KYAT3: variants seen among roughly 807,000 people sequenced by gnomAD.
The protein encoded by KYAT3 is kynurenine--oxoglutarate transaminase 3.
In KYAT3, 50 loss-of-function variants were observed where a neutral mutation model predicts 59.0. The observed-to-expected ratio is 0.85, with a 90% confidence interval of 0.68 to 1.07. The LOEUF (loss-of-function observed/expected upper bound fraction) is 1.07, where lower values mean the gene tolerates loss of function less well. Among genes scored for constraint, KYAT3 ranks in the 50% least tolerant of loss-of-function variants. The pLI is 0.00. For synonymous variants in KYAT3, 148 were observed against 177.0 expected, an observed-to-expected ratio of 0.84 and a Z score of 1.30; for missense variants, 497 against 533.3, an observed-to-expected ratio of 0.93 and a Z score of 0.67.
intron 2 of KYAT3, chr1:88,980,840 T>C (rs72963555): frequency 2.6e-5 from 4 of 152,194 alleles, no homozygotes; most frequent in Middle Eastern, 3.4e-3. Flanking sequence ...AAGACAACTA[T>C]GGAAGTGTAA....
At position 88,983,709 on chromosome 1, in the gene KYAT3, T is replaced by G. The variant is rs1221861336; in HGVS notation, c.99+4543A>C. Reference sequence around the variant, plus strand: ...GATTTGTTGGTTTCACGGTCTTTTATCAAGAGTACTTCCACTATTCGTCCA... The same window carrying G: ...GATTTGTTGGTTTCACGGTCTTTTAGCAAGAGTACTTCCACTATTCGTCCA... On this transcript the variant is annotated intron_variant, in intron 2 of 13. Transcript: ENST00000260508. The G allele has an allele frequency of 3.7e-6, 6 of 1,613,830 alleles. No homozygotes were observed. In the African/African-American group the frequency reaches 8.0e-5, roughly 22 times the overall value.
At chr1:88,989,089 T>G (rs949112611) in intron 1 of KYAT3, among the ~76,000 whole-genome samples, 1 of 152,152 alleles carries the variant, frequency 6.6e-6, no homozygotes, top group African/African-American at 2.4e-5. Flanking sequence ...TTCAGGCAAA[T>G]AGATATTTCT....
intron 11 of KYAT3, among the ~76,000 whole-genome samples, chr1:88,948,287 T>C (rs1675529175): frequency 6.6e-6 from 1 of 152,224 alleles, no homozygotes; most frequent in South Asian, 2.1e-4. Context: ...TATAACTTCA[T>C]TGTAATAAAA....
At chr1:88,978,814 A>AT (rs34692926) in intron 2 of KYAT3, among the ~76,000 whole-genome samples, 19 of 146,186 alleles carry the variant, frequency 1.3e-4, no homozygotes, top group East Asian at 6.0e-4. Context: ...CCCGGCCTTA[A>AT]TTTTTTTTTT....
intron 13 of KYAT3, among the ~76,000 whole-genome samples, chr1:88,942,798 G>A (rs1305564461): frequency 5.9e-5 from 9 of 151,944 alleles, no homozygotes; most frequent in Non-Finnish European, 1.2e-4. Context: ...TCCTGACCTC[G>A]TGATCAGCCC....
intron 11 of KYAT3, among the ~76,000 whole-genome samples, 195 bp from the exon 12 acceptor site, chr1:88,943,618 C>T (rs1675327400): frequency 6.6e-6 from 1 of 152,182 alleles, no homozygotes; most frequent in Non-Finnish European, 1.5e-5. Context: ...CAGAGCTTTA[C>T]TGATAGTCTA....
chr1:88,984,035 A>G, intron 2 of KYAT3: 1 of 616,056 alleles, frequency 1.6e-6, no homozygotes. Flanking sequence ...TTCTTTTGCC[A>G]CTAGATGGCA....
intron 4 of KYAT3, among the ~76,000 whole-genome samples, chr1:88,967,253 C>T (rs1676384248): frequency 6.6e-6 from 1 of 151,826 alleles, no homozygotes; most frequent in Non-Finnish European, 1.5e-5. Flanking sequence ...CAGCATTACC[C>T]TGATACAAAA....
intron 5 of KYAT3, among the ~76,000 whole-genome samples, chr1:88,962,794 C>T (rs1371352911): frequency 6.6e-6 from 1 of 152,174 alleles, no homozygotes; most frequent in Non-Finnish European, 1.5e-5. Flanking sequence ...CACACTCAGC[C>T]TCATCTGTGA....
In KYAT3 at chr1:88,949,184, T is replaced by C. The variant is rs760251459; in HGVS notation, c.1048A>G (p.Arg350Gly). The C allele has an allele frequency of 6.2e-7, 1 of 1,611,006 alleles. No homozygotes were observed. The highest frequency in any genetic ancestry group is 8.5e-7 in the Non-Finnish European group (1 of 1,178,828). ...NSLPKELEVK[R>G]DRMVRLLESV... ...TCAAGTAAACGTACCATCCGATCTC[T>C]TTTTACTTCTAACTCTTTTGGCAAA... The change falls in exon 11 of 14, where the codon AGA becomes GGA. Residue 350 changes from arginine (R) to glycine (G), a missense_variant. Transcript: ENST00000260508.
intron 2 of KYAT3, chr1:88,983,604 C>T: frequency 2.5e-6 from 4 of 1,614,160 alleles, no homozygotes; most frequent in Non-Finnish European, 3.4e-6. Context: ...GCTTTTCCAT[C>T]TAATGACTTT....
intron 10 of KYAT3, among the ~76,000 whole-genome samples, chr1:88,951,389 C>T (rs1201643246): frequency 6.6e-6 from 1 of 151,970 alleles, no homozygotes. Context: ...CGCCTGCCAC[C>T]ATGCCCAGCT....
At chr1:88,988,430 A>AAG in intron 1 of KYAT3, 79 bp from the exon 2 acceptor site, 2 of 780,708 alleles carry the variant, frequency 2.6e-6, no homozygotes, top group Non-Finnish European at 4.3e-6. Context: ...CAGCTAGCTG[A>AAG]TGTATCATAA....
intron 2 of KYAT3, among the ~76,000 whole-genome samples, chr1:88,972,528 G>A (rs564073035): frequency 7.0e-4 from 107 of 152,196 alleles, no homozygotes; most frequent in African/African-American, 2.5e-3. Flanking sequence ...GCTAAAGTTC[G>A]TTTATGCTTC....
chr1:88,970,974 T>G (rs1407386190), intron 2 of KYAT3, among the ~76,000 whole-genome samples: 1 of 152,196 alleles, frequency 6.6e-6, no homozygotes, highest in Admixed American at 6.5e-5. Flanking sequence ...ATGAAAATTC[T>G]CCAGAGGTTA....
chr1:88,973,479 A>T (rs190293097), intron 2 of KYAT3, among the ~76,000 whole-genome samples: 1 of 152,296 alleles, frequency 6.6e-6, no homozygotes, highest in African/African-American at 2.4e-5. Context: ...ATTAAAATCA[A>T]CCTAGAATCC....
chr1:88,958,818 T>A (rs1676026008), intron 8 of KYAT3, among the ~76,000 whole-genome samples: 1 of 152,036 alleles, frequency 6.6e-6, no homozygotes, highest in African/African-American at 2.4e-5. Flanking sequence ...ATATCACCAT[T>A]TCATGATGTA....
At chr1:88,962,938 C>T (rs1393314931) in intron 5 of KYAT3, among the ~76,000 whole-genome samples, 1 of 151,480 alleles carries the variant, frequency 6.6e-6, no homozygotes, top group Non-Finnish European at 1.5e-5. Context: ...ATACCTGTTA[C>T]TCTTCGCCTT....
At chr1:88,956,262 G>A (rs999124931) in intron 8 of KYAT3, among the ~76,000 whole-genome samples, 4 of 152,028 alleles carry the variant, frequency 2.6e-5, no homozygotes, top group Non-Finnish European at 5.9e-5. Context: ...GTTTGACCTC[G>A]ACTGGGAATG....
Sources: gnomAD v4.1 joint callset for allele counts (sites outside exome capture counted in the v4.1 genomes callset) on GRCh38, gnomAD v4.1.1 for gene constraint, MANE v1.5 for transcripts, NCBI Gene and HGNC (gene_info 2026-07-23, HGNC 2026-07-21) for gene names.